RIPK4: variants seen among roughly 807,000 people sequenced by gnomAD.
The protein encoded by RIPK4 is receptor interacting serine/threonine kinase 4, also known as receptor-interacting serine/threonine-protein kinase 4.
In RIPK4, 17 loss-of-function variants were observed where a neutral mutation model predicts 42.9. That is an observed-to-expected ratio of 0.40 (90% CI 0.27 to 0.59). The LOEUF is 0.59. Ranked by LOEUF, RIPK4 falls within the 20% of genes least tolerant of loss-of-function variation. The probability of loss-of-function intolerance (pLI) is 0.47; values close to 1 mark genes in which losing one functional copy is unlikely to be tolerated. For missense variants in RIPK4, 897 were observed against 1,104.4 expected (o/e 0.81, Z 2.66); for synonymous variants, 498 against 499.1 (o/e 1.00, Z 0.03).
intron 1 of RIPK4, among the ~76,000 whole-genome samples, chr21:41,758,803 C>T (rs568844873): frequency 5.3e-5 from 8 of 152,354 alleles, no homozygotes; most frequent in African/African-American, 1.2e-4. Context: ...TCTAGGCCTT[C>T]GTGGAGAAAG....
intron 4 of RIPK4, among the ~76,000 whole-genome samples, chr21:41,748,260 T>TA (rs1051311656): frequency 2.3e-4 from 35 of 152,214 alleles, no homozygotes; most frequent in African/African-American, 8.2e-4. Flanking sequence ...CACTTTCCCA[T>TA]ACATCGGCTC....
At chr21:41,758,028 A>ATG (rs2061209921) in intron 1 of RIPK4, among the ~76,000 whole-genome samples, 2 of 104,666 alleles carry the variant, frequency 1.9e-5, no homozygotes, top group Admixed American at 9.2e-5. Context: ...AAAAATATAT[A>ATG]TATATATATA....
intron 1 of RIPK4, among the ~76,000 whole-genome samples, chr21:41,766,553 G>C (rs1254608899): frequency 6.6e-6 from 1 of 152,140 alleles, no homozygotes; most frequent in African/African-American, 2.4e-5. Flanking sequence ...GCACGACTGG[G>C]CGCCTTAGGA....
rs2061188899 is a variant in RIPK4 at position 41,751,691 on chromosome 21, C to G, written c.475-446G>C. 1.3e-5 allele frequency among the ~76,000 whole-genome samples: 2 copies of G among 152,204 alleles called. No homozygotes were observed. Among genetic ancestry groups the G allele is most frequent in the Non-Finnish European group, 2.9e-5 (2 of 68,024 alleles). On this transcript the variant is annotated intron_variant, in intron 2 of 7. Transcript: ENST00000332512. This position sits in a 1 kb window ranked among gnomAD's most constrained non-coding sequence, Gnocchi z 4.5. Reference sequence around the variant, plus strand: ...AGAAGTCGGGGAGCAGGTTATGCAACCTGCCAGCTGGGGAGGCTGGCGGGC... The same window carrying G: ...AGAAGTCGGGGAGCAGGTTATGCAAGCTGCCAGCTGGGGAGGCTGGCGGGC...
chr21:41,742,183 G>A lies in RIPK4; in HGVS notation c.1196-186C>T, dbSNP rs996000183. Reference sequence around the variant, plus strand: ...TAAGGTCAGTCCTAGCGGGAGCCCCGGGGCAGGCTGGCGAATGTCTCCCAG... The same window carrying A: ...TAAGGTCAGTCCTAGCGGGAGCCCCAGGGCAGGCTGGCGAATGTCTCCCAG... On this transcript the variant is annotated intron_variant, in intron 7 of 7. Transcript: ENST00000332512. This position sits in a 1 kb window ranked among gnomAD's most constrained non-coding sequence, Gnocchi z 5.1. Among the ~76,000 whole-genome samples, 2 of 152,162 alleles carry A rather than the reference G, an allele frequency of 1.3e-5. No individual in the cohort carries two copies. Among genetic ancestry groups the A allele is most frequent in the Admixed American group, 1.3e-4 (2 of 15,286 alleles).
chr21:41,760,048 C>T (rs3850705), intron 1 of RIPK4, among the ~76,000 whole-genome samples: 114,705 of 152,090 alleles, frequency 0.75, 43,456 homozygotes, highest in African/African-American at 0.82. Flanking sequence ...GAGATTCTGG[C>T]TGTCACAACT....
chr21:41,763,198 T>C (rs1185601405), intron 1 of RIPK4, among the ~76,000 whole-genome samples: 1 of 152,224 alleles, frequency 6.6e-6, no homozygotes, highest in East Asian at 1.9e-4. Context: ...GTTCAACTTT[T>C]TAAAGATACG....
At chr21:41,745,667 G>T in intron 6 of RIPK4, 92 bp downstream of exon 6, 1 of 903,238 alleles carries the variant, frequency 1.1e-6, no homozygotes, top group African/African-American at 1.7e-5. Context: ...AGAGTGGTCC[G>T]GGCGGCGGGG....
chr21:41,763,825 A>G (rs1601686011), intron 1 of RIPK4, among the ~76,000 whole-genome samples: 1 of 152,200 alleles, frequency 6.6e-6, no homozygotes, highest in African/African-American at 2.4e-5. Context: ...AGCGTCTCCC[A>G]GCCGGCGCCC....
rs764188868 is a variant in RIPK4 at position 41,756,510 on chromosome 21, C to T, written c.474+15G>A. 3.5e-5 allele frequency: 57 copies of T among 1,606,592 alleles called. No homozygotes were observed. Among genetic ancestry groups the T allele is most frequent in the Middle Eastern group, 1.8e-4 (1 of 5,470 alleles). On this transcript the variant is annotated intron_variant, in intron 2 of 7. Transcript: ENST00000332512. ...CTCCCTGCCCAGCTCTCTCGGGCAC[C>T]GTGCGGCCCCCCACCTTGACGTGGT...
rs1322076918 is a variant in RIPK4 at position 41,766,957 on chromosome 21, C to T, written c.85G>A (p.Gly29Ser). ...TACACCTGCCCGAAGCCGCCCGAGC[C>T]CACCTTCTCCCAGCCCGTGAACTCG... The part of the protein sequence containing the change: ...AGEFTGWEKV[G>S]SGGFGQVYKV... Residue 29 changes from glycine to serine, a missense_variant, in exon 1 of 8, where the codon GGC (glycine) becomes AGC (serine). Physicochemically the swap from Gly to Ser is moderately conservative, Grantham distance 56. Transcript: ENST00000332512. 6.2e-7 allele frequency: 1 copy of T among 1,607,816 alleles called. No homozygotes were observed. Among genetic ancestry groups the T allele is most frequent in the East Asian group, 2.3e-5 (1 of 44,180 alleles).
intron 4 of RIPK4, among the ~76,000 whole-genome samples, chr21:41,748,850 G>A (rs1034956029): frequency 3.1e-4 from 47 of 152,240 alleles, no homozygotes; most frequent in Non-Finnish European, 5.0e-4. Flanking sequence ...CAGTGGTAAC[G>A]CTTGTTCAAC....
chr21:41,745,817 T>A lies in RIPK4; in HGVS notation c.878A>T (p.Glu293Val). The A allele has an allele frequency of 6.2e-7, 1 of 1,614,244 alleles. No homozygotes were observed. Among genetic ancestry groups the A allele is most frequent in the Non-Finnish European group, 8.5e-7 (1 of 1,180,040 alleles). Residue 293 changes from glutamate (E) to valine (V), a missense_variant, in exon 6 of 8, where the codon GAA becomes GTA. By Grantham distance (121) the Glu-to-Val change is moderately radical. Coordinates refer to ENST00000332512, the MANE Select transcript of RIPK4 (RefSeq NM_020639.3). ...TEDLCEKPDD[E>V]VKETAHDLDV... is the part of the protein sequence containing the mutation. ...CAGATCATGAGCAGTTTCTTTCACT[T>A]CGTCATCAGGCTTTTCACACAGGTC...
chr21:41,749,466 A>C (rs1303638480), intron 3 of RIPK4, among the ~76,000 whole-genome samples: 5 of 152,228 alleles, frequency 3.3e-5, no homozygotes, highest in African/African-American at 1.2e-4. Flanking sequence ...ACTTCCAAAG[A>C]GGGTGCCACC....
chr21:41,752,010 T>C (rs2061190020), intron 2 of RIPK4, among the ~76,000 whole-genome samples: 1 of 151,912 alleles, frequency 6.6e-6, no homozygotes, highest in African/African-American at 2.4e-5. Flanking sequence ...AAAGGTGACC[T>C]TGGAGCTCAC....
rs2146045428 is a variant in RIPK4, at chr21:41,742,536, G to T, written c.1196-539C>A. Among the ~76,000 whole-genome samples the T allele has an allele frequency of 6.6e-6, 1 of 152,268 alleles. No homozygotes were observed. The highest frequency in any genetic ancestry group is 1.9e-4 in the East Asian group (1 of 5,184). On this transcript the variant is annotated intron_variant, in intron 7 of 7. Transcript: ENST00000332512. The surrounding 1 kb of genome is among the most constrained non-coding windows in gnomAD (Gnocchi z 5.1). Reference sequence around the variant, plus strand: ...AAGTTTTCTATGATAATCCTGAAGGGACCGAGCTTCTCGTTTCAGGAGGAC... The same window carrying T: ...AAGTTTTCTATGATAATCCTGAAGGTACCGAGCTTCTCGTTTCAGGAGGAC...
chr21:41,747,245 C>T lies in RIPK4; in HGVS notation c.674-474G>A, dbSNP rs1381551978. On this transcript the variant is annotated intron_variant, in intron 4 of 7. Transcript: ENST00000332512. ...TCTTCCTCAGTTCCAACTCCAATCC[C>T]AAGCTCAGGTCCCCAGCTGGCCTCC... is the stretch of plus-strand genomic sequence containing the variant. Among the ~76,000 whole-genome samples, 9 of 152,334 alleles carry T rather than the reference C, an allele frequency of 5.9e-5. No individual in the cohort carries two copies. In the East Asian group the frequency reaches 1.7e-3, roughly 29 times the overall value.
chr21:41,760,559 G>A (rs1312992482), intron 1 of RIPK4, among the ~76,000 whole-genome samples: 2 of 152,204 alleles, frequency 1.3e-5, no homozygotes, highest in Non-Finnish European at 2.9e-5. Flanking sequence ...CGGAGCAGTC[G>A]CTGTGGATCC....
chr21:41,764,839 C>A (rs1459254870), intron 1 of RIPK4, among the ~76,000 whole-genome samples: 4 of 152,208 alleles, frequency 2.6e-5, no homozygotes, highest in Non-Finnish European at 1.5e-5. Flanking sequence ...CATGGCAAAG[C>A]CCCAACCTAC....
Sources: gnomAD v4.1 joint callset for allele counts (sites outside exome capture counted in the v4.1 genomes callset) on GRCh38, gnomAD v4.1.1 for gene constraint, Gnocchi (gnomAD v3.1) non-coding constraint, MANE v1.5 for transcripts, NCBI Gene and HGNC (gene_info 2026-07-23, HGNC 2026-07-21) for gene names.